INPP5B: variants seen among roughly 807,000 people sequenced by gnomAD.
The protein encoded by INPP5B is type II inositol 1,4,5-trisphosphate 5-phosphatase.
Under a neutral mutation model 118.5 loss-of-function variants are expected in INPP5B, and 90 were observed. The ratio of observed to expected loss-of-function variants is 0.76; its 90% confidence interval spans 0.64 to 0.90. INPP5B has a LOEUF of 0.90. Among genes scored for constraint, INPP5B ranks in the 40% least tolerant of loss-of-function variants. The probability of loss-of-function intolerance (pLI) is 0.00; values close to 1 mark genes in which losing one functional copy is unlikely to be tolerated. For synonymous variants in INPP5B, 385 were observed against 418.9 expected (o/e 0.92, Z 0.99); for missense variants, 984 against 1,125.6 (o/e 0.87, Z 1.80).
At chr1:37,943,576 C>T in intron 5 of INPP5B, 64 bp downstream of exon 5, 3 of 1,569,080 alleles carry the variant, frequency 1.9e-6, no homozygotes, top group Non-Finnish European at 2.6e-6. Context: ...TTACACCATT[C>T]TTCTTTCTCT....
chr1:37,908,783 G>A (rs377594761), intron 7 of INPP5B, among the ~76,000 whole-genome samples: 1 of 152,124 alleles, frequency 6.6e-6, no homozygotes, highest in Non-Finnish European at 1.5e-5. Flanking sequence ...TTCCCTTGGT[G>A]GCAAGTCAAT....
chr1:37,927,031 G>A lies in INPP5B; in HGVS notation c.532+4882C>T, dbSNP rs372147550. On this transcript the variant is annotated intron_variant, in intron 7 of 23. Transcript: ENST00000373024. Reference sequence around the variant, plus strand: ...AGGCCAGGCGCGGTGGCTCACGCCTGTAATCTCAGCACTTTGGGAGGCCCA... The same window carrying A: ...AGGCCAGGCGCGGTGGCTCACGCCTATAATCTCAGCACTTTGGGAGGCCCA... Among the ~76,000 whole-genome samples the A allele has an allele frequency of 3.3e-5, 5 of 152,322 alleles. No individual in the cohort carries two copies. In the South Asian group the frequency reaches 1.0e-3, roughly 32 times the overall value.
At position 37,946,331 on chromosome 1, in the gene INPP5B, C is replaced by A; in HGVS notation, c.-23G>T. The A allele has an allele frequency of 6.2e-7, 1 of 1,607,454 alleles. No homozygotes were observed. Among genetic ancestry groups the A allele is most frequent in the Non-Finnish European group, 8.5e-7 (1 of 1,176,886 alleles). Reference sequence around the variant, plus strand: ...CATGCTGGCCCCTGCTGAGCGCACACACCCTGTGGGAGGGGAGATAGGAGC... The same window carrying A: ...CATGCTGGCCCCTGCTGAGCGCACAAACCCTGTGGGAGGGGAGATAGGAGC... On this transcript the variant is annotated 5_prime_UTR_variant, in exon 2 of 24. Transcript: ENST00000373024.
At position 37,878,290 on chromosome 1, in the gene INPP5B, C is replaced by A; in HGVS notation, c.1575G>T (p.Arg525=). ...TGATGTTCTTCCCTTTCCAGAGAAT[C>A]CGATCACACCAGGCAGGAGCACGGC... ...EKCRAPAWCD[R]ILWKGKNITQ... The change falls in exon 16 of 24, where the codon CGG becomes CGT. Residue 525 remains arginine, a synonymous_variant. Coordinates refer to ENST00000373024, the MANE Select transcript of INPP5B (RefSeq NM_005540.3). The A allele has an allele frequency of 6.2e-7, 1 of 1,614,126 alleles. No individual in the cohort carries two copies. The highest frequency in any genetic ancestry group is 8.5e-7 in the Non-Finnish European group (1 of 1,179,996).
At chr1:37,893,062 T>C (rs779534215) in intron 7 of INPP5B, among the ~76,000 whole-genome samples, 20 of 151,566 alleles carry the variant, frequency 1.3e-4, no homozygotes, top group South Asian at 6.2e-4. Flanking sequence ...TTTTCCTGTA[T>C]GTTTTTTTAT....
intron 7 of INPP5B, among the ~76,000 whole-genome samples, chr1:37,905,630 A>C (rs1644478050): frequency 6.6e-6 from 1 of 152,200 alleles, no homozygotes; most frequent in South Asian, 2.1e-4. Context: ...GTCTTGTTTT[A>C]ATCCTCTTTC....
intron 7 of INPP5B, chr1:37,930,251 C>T (rs574320316): frequency 1.3e-5 from 2 of 152,270 alleles, no homozygotes; most frequent in African/African-American, 2.4e-5. Context: ...AAAAATAAAA[C>T]CGAAACCGTA....
rs1468663543 is a variant in INPP5B at position 37,907,395 on chromosome 1, C to T, written c.533-15941G>A. ...TAGGCAGGAATATAATCGACCTATT[C>T]AGCATGAAGAAGTTACAGAAGATGG... On this transcript the variant is annotated intron_variant, in intron 7 of 23. Coordinates refer to ENST00000373024, the MANE Select transcript of INPP5B (RefSeq NM_005540.3). This position sits in a 1 kb window ranked among gnomAD's most constrained non-coding sequence, Gnocchi z 4.3. 1.3e-5 allele frequency among the ~76,000 whole-genome samples: 2 copies of T among 152,180 alleles called. No individual in the cohort carries two copies. Among genetic ancestry groups the T allele is most frequent in the African/African-American group, 4.8e-5 (2 of 41,436 alleles).
chr1:37,878,409 A>T, intron 15 of INPP5B, 86 bp from the exon 16 acceptor site: 1 of 1,559,236 alleles, frequency 6.4e-7, no homozygotes, highest in Non-Finnish European at 8.7e-7. Context: ...GTGGGGAGTG[A>T]TGAATCAGGG....
chr1:37,933,446 G>A (rs544558783), intron 6 of INPP5B, among the ~76,000 whole-genome samples: 7 of 152,296 alleles, frequency 4.6e-5, no homozygotes, highest in Non-Finnish European at 8.8e-5. Flanking sequence ...TACTCGGGAG[G>A]CTGAGGCAGG....
At chr1:37,869,335 G>A (rs1179228365) in intron 19 of INPP5B, among the ~76,000 whole-genome samples, 1 of 151,192 alleles carries the variant, frequency 6.6e-6, no homozygotes, top group Non-Finnish European at 1.5e-5. Context: ...TTTTGAGGTG[G>A]GGTCTCGCTA....
chr1:37,932,486 A>G (rs1645527235), intron 6 of INPP5B, among the ~76,000 whole-genome samples: 1 of 147,872 alleles, frequency 6.8e-6, no homozygotes, highest in Admixed American at 7.0e-5. Flanking sequence ...CTCCTGCCTC[A>G]GCCTCCCGAG....
At chr1:37,882,603 AGGT>A (rs1643272215) in intron 14 of INPP5B, among the ~76,000 whole-genome samples, 1 of 152,186 alleles carries the variant, frequency 6.6e-6, no homozygotes, top group Non-Finnish European at 1.5e-5. Flanking sequence ...ACAGGAGACA[AGGT>A]GCTTCAGGAG....
At chr1:37,914,642 C>T in intron 7 of INPP5B, among the ~76,000 whole-genome samples, 1 of 152,206 alleles carries the variant, frequency 6.6e-6, no homozygotes, top group Non-Finnish European at 1.5e-5. Context: ...TCCTTCAAGA[C>T]TCAGTTCAGG....
At chr1:37,927,287 T>G (rs1419265802) in intron 7 of INPP5B, among the ~76,000 whole-genome samples, 1 of 150,822 alleles carries the variant, frequency 6.6e-6, no homozygotes, top group Non-Finnish European at 1.5e-5. Context: ...ACAGCAAGAC[T>G]CCGTCTCAAA....
intron 14 of INPP5B, among the ~76,000 whole-genome samples, chr1:37,881,581 G>A (rs1488511278): frequency 6.6e-6 from 1 of 152,210 alleles, no homozygotes; most frequent in Non-Finnish European, 1.5e-5. Flanking sequence ...AGGTATGAAT[G>A]TAAGCTGACC....
intron 16 of INPP5B, among the ~76,000 whole-genome samples, chr1:37,877,414 CAT>C (rs1249581589): frequency 6.6e-6 from 1 of 150,738 alleles, no homozygotes; most frequent in Non-Finnish European, 1.5e-5. Flanking sequence ...TGTAATCTAA[CAT>C]GATAAAATAT....
chr1:37,914,104 A>G (rs1424674255), intron 7 of INPP5B, among the ~76,000 whole-genome samples: 1 of 152,128 alleles, frequency 6.6e-6, no homozygotes. Context: ...ACCTGCACCC[A>G]GGTGAAATAA....
intron 11 of INPP5B, 87 bp from the exon 12 acceptor site, chr1:37,887,091 G>T: frequency 9.6e-7 from 1 of 1,042,156 alleles, no homozygotes; most frequent in Non-Finnish European, 1.5e-6. Flanking sequence ...CTGGCTGAGA[G>T]TATTCACGTG....
Sources: allele counts gnomAD v4.1 joint callset (sites outside exome capture counted in the v4.1 genomes callset), GRCh38; gene constraint gnomAD v4.1.1; non-coding constraint Gnocchi (gnomAD v3.1); transcripts MANE v1.5; gene names NCBI Gene and HGNC (gene_info 2026-07-23, HGNC 2026-07-21).